The following HAO2 variants were observed in gnomAD, a reference collection of about 807,000 sequenced individuals.
HAO2 encodes hydroxyacid oxidase 2.
Under a neutral mutation model 37.4 loss-of-function variants are expected in HAO2, and 42 were observed. That is an observed-to-expected ratio of 1.12 (90% CI 0.88 to 1.45). The LOEUF (loss-of-function observed/expected upper bound fraction) is 1.45, where lower values mean the gene tolerates loss of function less well. Ranked by LOEUF, HAO2 falls within the 40% of genes most tolerant of loss-of-function variation. The pLI is 0.00. For synonymous variants in HAO2, 180 were observed against 162.8 expected, an observed-to-expected ratio of 1.11 and a Z score of -0.81; for missense variants, 476 against 430.2, an observed-to-expected ratio of 1.11 and a Z score of -0.94.
chr1:119,374,629 C>T (rs946494645), intron 1 of HAO2, among the ~76,000 whole-genome samples: 4 of 152,180 alleles, frequency 2.6e-5, no homozygotes, highest in African/African-American at 9.6e-5. Context: ...TTTTCTCCCC[C>T]GTTGTATCTC....
At chr1:119,380,627 G>C (rs748537743) in intron 1 of HAO2, 3 of 1,132,196 alleles carry the variant, frequency 2.6e-6, no homozygotes, top group Non-Finnish European at 4.0e-6. Context: ...GCCATGACGT[G>C]GGCACATTGA....
intron 1 of HAO2, among the ~76,000 whole-genome samples, chr1:119,372,416 T>C (rs1649108055): frequency 6.6e-6 from 1 of 152,174 alleles, no homozygotes; most frequent in Admixed American, 6.5e-5. Context: ...TTTGTTCTTC[T>C]TGACATAAGG....
At chr1:119,369,955 A>G (rs1355487078) in intron 1 of HAO2, 1 of 152,104 alleles carries the variant, frequency 6.6e-6, no homozygotes, top group Admixed American at 6.6e-5. Flanking sequence ...TATAGTAAAG[A>G]ATAAACCTTA....
At chr1:119,385,106 T>A in intron 4 of HAO2, 53 bp downstream of exon 4, 1 of 1,570,414 alleles carries the variant, frequency 6.4e-7, no homozygotes, top group Admixed American at 1.7e-5. Context: ...CAAATTTCCT[T>A]CCCTCTTTTC....
intron 1 of HAO2, chr1:119,380,441 C>T (rs587716878): frequency 4.3e-5 from 19 of 444,372 alleles, no homozygotes; most frequent in South Asian, 1.2e-4. Flanking sequence ...ACATGTTCAG[C>T]GACCCAGCCA....
chr1:119,389,881 G>C (rs751019920), intron 5 of HAO2, among the ~76,000 whole-genome samples: 10 of 151,940 alleles, frequency 6.6e-5, no homozygotes, highest in Non-Finnish European at 1.3e-4. Flanking sequence ...TATCTGGAAG[G>C]GTTTTTCCTA....
intron 1 of HAO2, among the ~76,000 whole-genome samples, chr1:119,374,157 C>T (rs988209104): frequency 1.3e-5 from 2 of 152,200 alleles, no homozygotes; most frequent in African/African-American, 4.8e-5. Context: ...TTCCCCCTGC[C>T]CTCTCTTCCC....
At chr1:119,383,895 G>A (rs1414687609) in intron 3 of HAO2, among the ~76,000 whole-genome samples, 1 of 152,142 alleles carries the variant, frequency 6.6e-6, no homozygotes, top group Non-Finnish European at 1.5e-5. Flanking sequence ...GCTAGGTTGA[G>A]ATATTAATAT....
chr1:119,382,613 TGACTCAAAGACACA>T (rs1351048728), intron 2 of HAO2, among the ~76,000 whole-genome samples: 1 of 152,198 alleles, frequency 6.6e-6, no homozygotes, highest in Non-Finnish European at 1.5e-5. Flanking sequence ...CTGGGAGGCA[TGACTCAAAGACACA>T]GACTTCTGAC....
rs759502237 is a variant in HAO2 at position 119,386,712 on chromosome 1, C to G, written c.652C>G (p.Pro218Ala). Residue 218 changes from proline (P) to alanine (A), a missense_variant, in exon 5 of 8, where the codon CCC (proline) becomes GCC (alanine). Pro to Ala is a conservative substitution (Grantham distance 27, BLOSUM62 -1). Transcript: ENST00000325945. ...LSWFQSITRL[P>A]IILKGILTKE... The stretch of plus-strand genomic sequence containing the variant: ...CTGGTTTCAGAGCATAACTCGATTG[C>G]CCATCATCCTGAAAGGGATTTTGAC... 1.7e-5 allele frequency: 28 copies of G among 1,612,150 alleles called. No homozygotes were observed. Among genetic ancestry groups the G allele is most frequent in the Non-Finnish European group, 2.3e-5 (27 of 1,178,400 alleles).
chr1:119,370,699 G>A (rs752439080), intron 1 of HAO2, among the ~76,000 whole-genome samples: 68 of 152,304 alleles, frequency 4.5e-4, no homozygotes, highest in African/African-American at 1.5e-3. Flanking sequence ...GACTCCCTCA[G>A]TCATTAGTTC....
chr1:119,374,386 C>T (rs889016152), intron 1 of HAO2, among the ~76,000 whole-genome samples: 5 of 152,218 alleles, frequency 3.3e-5, no homozygotes, highest in Admixed American at 2.6e-4. Context: ...ATGGTGATGG[C>T]TATACCCTTT....
In HAO2 at chr1:119,384,772, A is replaced by T. The variant is rs1650243945; in HGVS notation, c.284-4A>T. On this transcript the variant is annotated splice_region_variant and splice_polypyrimidine_tract_variant and intron_variant, in intron 3 of 7. Transcript: ENST00000325945. ...CAGCCTGAGTCATGTCCTTTGCTTT[A>T]CAGCTGCCCAAGCGGCTGGTATCTG... The T allele has an allele frequency of 6.2e-7, 1 of 1,613,324 alleles. No homozygotes were observed. The highest frequency in any genetic ancestry group is 1.3e-5 in the African/African-American group (1 of 74,908).
chr1:119,372,141 C>G (rs193208283), intron 1 of HAO2, among the ~76,000 whole-genome samples: 2 of 152,320 alleles, frequency 1.3e-5, no homozygotes, highest in Admixed American at 1.3e-4. Flanking sequence ...AGCAGAAGAT[C>G]TGGCATATTT....
chr1:119,389,655 A>G (rs1050439328), intron 5 of HAO2, among the ~76,000 whole-genome samples: 1 of 141,460 alleles, frequency 7.1e-6, no homozygotes, highest in Non-Finnish European at 1.5e-5. Context: ...TTTCTTGTTA[A>G]TTTGTTTGAG....
chr1:119,386,779 G>A lies in HAO2; in HGVS notation c.719G>A (p.Gly240Asp). 4 of 1,613,612 alleles carry A rather than the reference G, an allele frequency of 2.5e-6. No individual in the cohort carries two copies. Among genetic ancestry groups the A allele is most frequent in the Non-Finnish European group, 3.4e-6 (4 of 1,179,556 alleles). Residue 240 changes from glycine (G) to aspartate (D), a missense_variant, in exon 5 of 8, where the codon GGT (glycine) becomes GAT (aspartate). Transcript: ENST00000325945. ...AELAVKHNVQ[G>D]IIVSNHGGRQ... ...TTAGCTGTGAAGCACAATGTCCAGG[G>A]TATCATTGTTTCCAACCATGGTGGG...
chr1:119,387,008 G>A (rs1650443399), intron 5 of HAO2, among the ~76,000 whole-genome samples, 177 bp downstream of exon 5: 1 of 152,108 alleles, frequency 6.6e-6, no homozygotes, highest in Non-Finnish European at 1.5e-5. Context: ...AGCCTACTGT[G>A]TGCTAAGCTG....
chr1:119,386,905 G>A (rs1325241611), intron 5 of HAO2, 74 bp downstream of exon 5: 8 of 896,924 alleles, frequency 8.9e-6, no homozygotes, highest in Non-Finnish European at 1.5e-5. Context: ...TCCACATCAA[G>A]GGACTCTGTG....
chr1:119,389,839 G>A (rs908433621), intron 5 of HAO2, among the ~76,000 whole-genome samples: 1 of 152,024 alleles, frequency 6.6e-6, no homozygotes, highest in African/African-American at 2.4e-5. Flanking sequence ...TTGCTTTTGG[G>A]TTCGTGGTCA....
Sources: gnomAD v4.1 joint callset for allele counts (sites outside exome capture counted in the v4.1 genomes callset) on GRCh38, gnomAD v4.1.1 for gene constraint, MANE v1.5 for transcripts, NCBI Gene and HGNC (gene_info 2026-07-23, HGNC 2026-07-21) for gene names.